Variants in TMTC2 observed in about 807,000 individuals in gnomAD.
The protein encoded by TMTC2 is transmembrane O-mannosyltransferase targeting cadherins 2.
A neutral mutation model predicts 82.4 loss-of-function variants in TMTC2; 43 were observed. The ratio of observed to expected loss-of-function variants is 0.52; its 90% CI spans 0.41 to 0.67. The LOEUF (loss-of-function observed/expected upper bound fraction) is 0.67, where lower values mean the gene tolerates loss of function less well. Ranked by LOEUF, TMTC2 falls within the 30% of genes least tolerant of loss-of-function variation. TMTC2 has a pLI of 0.00. For missense variants in TMTC2, 919 were observed against 1,012.4 expected (o/e 0.91, Z 1.25); for synonymous variants, 408 against 381.9 (o/e 1.07, Z -0.80).
chr12:82,904,786 A>C (rs910206312), intron 3 of TMTC2, among the ~76,000 whole-genome samples: 2 of 152,126 alleles, frequency 1.3e-5, no homozygotes, highest in Admixed American at 1.3e-4. Context: ...ATGTGTGATC[A>C]CCCTTTTTGC....
chr12:82,736,324 AC>A (rs1180244807), intron 1 of TMTC2, among the ~76,000 whole-genome samples: 1 of 152,162 alleles, frequency 6.6e-6, no homozygotes, highest in Non-Finnish European at 1.5e-5. Flanking sequence ...TTAAAAAAAA[AC>A]AACATGTCCT....
chr12:82,828,337 C>A (rs1026651013), intron 1 of TMTC2, among the ~76,000 whole-genome samples: 2 of 151,020 alleles, frequency 1.3e-5, no homozygotes, highest in Non-Finnish European at 2.9e-5. Context: ...CCTCATCCTT[C>A]CGATTAGCTG....
intron 2 of TMTC2, among the ~76,000 whole-genome samples, chr12:82,878,796 G>A (rs191406663): frequency 2.7e-4 from 41 of 152,218 alleles, no homozygotes; most frequent in Non-Finnish European, 4.7e-4. Context: ...CCAGTTACTC[G>A]GGAGGCTGAA....
chr12:82,949,002 C>G (rs1174089901), intron 4 of TMTC2, among the ~76,000 whole-genome samples: 1 of 152,168 alleles, frequency 6.6e-6, no homozygotes, highest in East Asian at 1.9e-4. Flanking sequence ...AATAATTTAT[C>G]TTTTCTAATC....
chr12:82,978,627 A>T (rs576252752), intron 7 of TMTC2, among the ~76,000 whole-genome samples: 3 of 151,910 alleles, frequency 2.0e-5, no homozygotes, highest in African/African-American at 7.2e-5. Context: ...ATTCTTGAAA[A>T]TGATCCATGT....
intron 8 of TMTC2, among the ~76,000 whole-genome samples, chr12:83,025,820 C>T (rs1221625023): frequency 1.3e-5 from 2 of 152,072 alleles, no homozygotes; most frequent in East Asian, 1.9e-4. Context: ...CAAATTATTA[C>T]AGAGGATATT....
chr12:82,931,253 G>A (rs1876015074), intron 4 of TMTC2, among the ~76,000 whole-genome samples: 1 of 152,020 alleles, frequency 6.6e-6, no homozygotes, highest in Admixed American at 6.6e-5. Flanking sequence ...AAAAAAAATT[G>A]CTGTATCAAA....
chr12:83,018,111 A>G (rs898800381), intron 8 of TMTC2, among the ~76,000 whole-genome samples: 1 of 151,318 alleles, frequency 6.6e-6, no homozygotes, highest in African/African-American at 2.4e-5. Flanking sequence ...TTACAAGAGC[A>G]TTTGGATTTG....
At chr12:83,075,066 C>A (rs1228102120) in intron 11 of TMTC2, among the ~76,000 whole-genome samples, 1 of 152,184 alleles carries the variant, frequency 6.6e-6, no homozygotes, top group Non-Finnish European at 1.5e-5. Flanking sequence ...GCTTCCTCTA[C>A]CCCTGTATTT....
intron 8 of TMTC2, among the ~76,000 whole-genome samples, chr12:82,996,226 TGTGATGTATATAG>T: frequency 1.3e-5 from 2 of 152,204 alleles, no homozygotes; most frequent in African/African-American, 4.8e-5. Flanking sequence ...TTAATTTGAA[TGTGATGTATATAG>T]TTTTCCTCAA....
intron 1 of TMTC2, among the ~76,000 whole-genome samples, chr12:82,735,646 C>T (rs1028454974): frequency 2.6e-5 from 4 of 151,048 alleles, no homozygotes; most frequent in African/African-American, 9.7e-5. Context: ...CACCCAGCCC[C>T]CCTAATTTTG....
At chr12:83,057,821 C>A (rs983052588) in intron 10 of TMTC2, among the ~76,000 whole-genome samples, 1 of 151,698 alleles carries the variant, frequency 6.6e-6, no homozygotes, top group African/African-American at 2.4e-5. Flanking sequence ...ATTTTTAATT[C>A]AAATTGACAA....
At chr12:82,853,493 A>G (rs1195217798) in intron 1 of TMTC2, among the ~76,000 whole-genome samples, 2 of 152,160 alleles carry the variant, frequency 1.3e-5, no homozygotes, top group Admixed American at 6.5e-5. Context: ...CTTTGGATGT[A>G]GTATATCTCG....
rs942958988 is a variant in TMTC2 at position 82,998,449 on chromosome 12, TA to T, written c.2070+12411del. On this transcript the variant is annotated intron_variant, in intron 8 of 11. Transcript: ENST00000321196. Reference sequence around the variant, plus strand: ...TATATGTAATTTTCAGAATACTAGTTAAAAAAAACAAAAACAACTTTTTTTC... The same window carrying T: ...TATATGTAATTTTCAGAATACTAGTTAAAAAAACAAAAACAACTTTTTTTC... 1.8e-4 allele frequency among the ~76,000 whole-genome samples: 27 copies of T among 152,062 alleles called. No individual in the cohort carries two copies. The Middle Eastern group carries it at 0.01, about 57-fold the overall frequency.
intron 2 of TMTC2, among the ~76,000 whole-genome samples, chr12:82,862,812 A>C (rs1871615531): frequency 6.6e-6 from 1 of 152,240 alleles, no homozygotes; most frequent in South Asian, 2.1e-4. Flanking sequence ...AATAGTGTTC[A>C]GATCAAAACT....
At position 83,059,053 on chromosome 12, in the gene TMTC2, G is replaced by A. The variant is rs1004049411; in HGVS notation, c.2268-2715G>A. Among the ~76,000 whole-genome samples the A allele has an allele frequency of 3.3e-5, 5 of 151,822 alleles. No individual in the cohort carries two copies. The East Asian group carries it at 9.7e-4, about 29-fold the overall frequency. ...ATTTTCTGTCCCAAAAAAGAAATAG[G>A]GAAGGAAGAAGGGATACGAGTATGC... On this transcript the variant is annotated intron_variant, in intron 10 of 11. Transcript: ENST00000321196.
chr12:82,915,674 G>A (rs1220441350), intron 3 of TMTC2, among the ~76,000 whole-genome samples: 1 of 152,200 alleles, frequency 6.6e-6, no homozygotes, highest in Non-Finnish European at 1.5e-5. Flanking sequence ...TTTGGAAATC[G>A]TAATTCTGTA....
intron 1 of TMTC2, among the ~76,000 whole-genome samples, chr12:82,737,983 T>C (rs1875206725): frequency 2.0e-5 from 3 of 152,084 alleles, no homozygotes; most frequent in African/African-American, 7.2e-5. Context: ...GAGAGTCCAT[T>C]GGGGTGGCAA....
At chr12:82,834,552 T>C (rs914392809) in intron 1 of TMTC2, among the ~76,000 whole-genome samples, 8 of 152,258 alleles carry the variant, frequency 5.3e-5, no homozygotes, top group African/African-American at 1.9e-4. Flanking sequence ...AATCGCTCTT[T>C]GCTGGATGGA....
Sources: allele counts gnomAD v4.1 joint callset (sites outside exome capture counted in the v4.1 genomes callset), GRCh38; gene constraint gnomAD v4.1.1; transcripts MANE v1.5; gene names NCBI Gene and HGNC (gene_info 2026-07-23, HGNC 2026-07-21).